Variants in ICE2 observed in about 807,000 individuals in gnomAD.
ICE2 encodes interactor of little elongation complex ELL subunit 2.
ICE2 carries 87 observed loss-of-function variants against 105.4 expected under a neutral mutation model. That is an observed-to-expected ratio of 0.83 (90% CI 0.69 to 0.99). The LOEUF (loss-of-function observed/expected upper bound fraction) is 0.99, where lower values mean the gene tolerates loss of function less well. Ranked by LOEUF, ICE2 falls within the 50% of genes least tolerant of loss-of-function variation. The pLI is 0.00. For synonymous variants in ICE2, 399 were observed against 392.0 expected, an observed-to-expected ratio of 1.02 and a Z score of -0.21; for missense variants, 1,323 against 1,146.7, an observed-to-expected ratio of 1.15 and a Z score of -2.22.
At position 60,455,394 on chromosome 15, in the gene ICE2, A is replaced by C. The variant is rs760763317; in HGVS notation, c.715T>G (p.Leu239Val). Residue 239 changes from leucine to valine, a missense_variant, in exon 7 of 16, where the codon TTG becomes GTG. Transcript: ENST00000261520. ...KTVFPSMPIK[L>V]QLSKDDIATI... ...GCTATATCGTCCTTTGACAGCTGCA[A>C]CTTTATAGGCATTGAGGGAAATACT... The C allele has an allele frequency of 6.5e-5, 105 of 1,613,938 alleles. No homozygotes were observed. The highest frequency in any genetic ancestry group is 8.6e-5 in the Non-Finnish European group (101 of 1,179,956).
chr15:60,467,789 T>C (rs1238171605), intron 4 of ICE2, among the ~76,000 whole-genome samples: 1 of 152,178 alleles, frequency 6.6e-6, no homozygotes, highest in East Asian at 1.9e-4. Context: ...ATTGAAATAA[T>C]TAAGCAATAA....
intron 12 of ICE2, among the ~76,000 whole-genome samples, chr15:60,436,804 C>A (rs2063602831): frequency 6.7e-6 from 1 of 150,076 alleles, no homozygotes; most frequent in African/African-American, 2.5e-5. Context: ...TATGTATTAT[C>A]ATAATATGTA....
At chr15:60,448,178 C>T (rs202053058) in intron 10 of ICE2, 33 bp from the exon 11 acceptor site, 4 of 1,388,584 alleles carry the variant, frequency 2.9e-6, no homozygotes, top group Middle Eastern at 1.8e-4. Context: ...TTTTAAAATA[C>T]ATTAGCTCTT....
chr15:60,450,774 G>A (rs529298005), intron 9 of ICE2, among the ~76,000 whole-genome samples: 16 of 152,320 alleles, frequency 1.1e-4, no homozygotes, highest in African/African-American at 3.8e-4. Flanking sequence ...AAGATTAAGT[G>A]AGAAATTATA....
At chr15:60,472,094 G>A (rs1024779152) in intron 3 of ICE2, among the ~76,000 whole-genome samples, 7 of 151,284 alleles carry the variant, frequency 4.6e-5, no homozygotes, top group African/African-American at 1.7e-4. Flanking sequence ...ATTTCTACAT[G>A]AACGGCTCAT....
chr15:60,443,498 T>C (rs2063762373), intron 11 of ICE2, among the ~76,000 whole-genome samples: 1 of 150,500 alleles, frequency 6.6e-6, no homozygotes, highest in Admixed American at 6.6e-5. Flanking sequence ...ATTTTTCTTA[T>C]CAACAGTAAG....
Position 60,419,740 on chromosome 15 carries a change from C to A in ICE2, c.*3894G>T, listed in dbSNP as rs1002587691. 1.3e-4 allele frequency: 19 copies of A among 150,512 alleles called. No individual in the cohort carries two copies. Among genetic ancestry groups the A allele is most frequent in the African/African-American group, 4.7e-4 (19 of 40,720 alleles). The allele number at this position is 150,512 out of a possible 1,614,324, so 9.3% of individuals were successfully genotyped here. Reference sequence around the variant, plus strand: ...CAAAAAAACAGAACAAAACAAAATACTACTATATACCTATAATGCATAGAA... The same window carrying A: ...CAAAAAAACAGAACAAAACAAAATAATACTATATACCTATAATGCATAGAA... On this transcript the variant is annotated 3_prime_UTR_variant, in exon 16 of 16. Transcript: ENST00000261520.
At chr15:60,430,551 T>C (rs1188731184) in intron 14 of ICE2, among the ~76,000 whole-genome samples, 1 of 152,240 alleles carries the variant, frequency 6.6e-6, no homozygotes, top group East Asian at 1.9e-4. Context: ...ATAAGCTTTG[T>C]ATATAGCATG....
rs561330079 is a variant in ICE2, at chr15:60,428,510, C to A, written c.2739G>T (p.Leu913=). 9 of 1,614,096 alleles carry A rather than the reference C, an allele frequency of 5.6e-6. No homozygotes were observed. The South Asian group carries it at 8.8e-5, about 16-fold the overall frequency. Residue 913 remains leucine (L), a synonymous_variant, in exon 15 of 16, where the codon CTG becomes CTT. Coordinates refer to ENST00000261520, the MANE Select transcript of ICE2 (RefSeq NM_024611.6). ...CATGATGGATATGATATGGTAATAA[C>A]AGGCTGGGATCTAATGGGACCCAGG... The part of the protein sequence containing the change: ...SVPWVPLDPS[L]LLPYHIHHGR...
At chr15:60,423,820 A>T in intron 15 of ICE2, 58 bp from the exon 16 acceptor site, 1 of 1,410,028 alleles carries the variant, frequency 7.1e-7, no homozygotes, top group Non-Finnish European at 9.4e-7. Context: ...ACCTATATAC[A>T]GTCAACTCTG....
chr15:60,428,085 A>C (rs773813345), intron 15 of ICE2, among the ~76,000 whole-genome samples: 5 of 152,166 alleles, frequency 3.3e-5, no homozygotes, highest in Non-Finnish European at 5.9e-5. Context: ...TAATGAAATG[A>C]AACCCAGTAT....
intron 3 of ICE2, among the ~76,000 whole-genome samples, chr15:60,469,164 G>A (rs2064513233): frequency 6.6e-6 from 1 of 152,156 alleles, no homozygotes; most frequent in African/African-American, 2.4e-5. Flanking sequence ...GAATGGAGCT[G>A]GAGGCCATTA....
chr15:60,427,912 T>C (rs1009320546), intron 15 of ICE2, among the ~76,000 whole-genome samples: 4 of 152,230 alleles, frequency 2.6e-5, no homozygotes, highest in Non-Finnish European at 5.9e-5. Flanking sequence ...AGTTACATAA[T>C]ACCTAGAAAG....
At chr15:60,434,592 A>C (rs2063541924) in intron 13 of ICE2, among the ~76,000 whole-genome samples, 1 of 152,032 alleles carries the variant, frequency 6.6e-6, no homozygotes, top group Non-Finnish European at 1.5e-5. Context: ...GCCATAAAAG[A>C]AATGAAATTC....
At chr15:60,450,354 T>G (rs1199784950) in intron 9 of ICE2, among the ~76,000 whole-genome samples, 1 of 152,142 alleles carries the variant, frequency 6.6e-6, no homozygotes, top group African/African-American at 2.4e-5. Context: ...CCACAACTAC[T>G]CAGGGAAAAC....
intron 15 of ICE2, among the ~76,000 whole-genome samples, chr15:60,427,237 A>G (rs927333313): frequency 3.3e-5 from 5 of 152,248 alleles, no homozygotes; most frequent in African/African-American, 1.2e-4. Context: ...AGATTAATTC[A>G]GTATAGTACA....
intron 14 of ICE2, 122 bp downstream of exon 14, chr15:60,431,809 CATA>C (rs892376605): frequency 1.1e-5 from 6 of 529,586 alleles, no homozygotes; most frequent in South Asian, 4.4e-5. Context: ...TTACATTTGA[CATA>C]ATAATTTTTG....
At chr15:60,462,508 C>G (rs28519408) in intron 5 of ICE2, among the ~76,000 whole-genome samples, 1 of 151,804 alleles carries the variant, frequency 6.6e-6, no homozygotes, top group Non-Finnish European at 1.5e-5. Context: ...AAAAAACATA[C>G]AGTACAAAAT....
chr15:60,429,285 T>A (rs1209512378), intron 14 of ICE2, among the ~76,000 whole-genome samples: 1 of 152,220 alleles, frequency 6.6e-6, no homozygotes, highest in Non-Finnish European at 1.5e-5. Flanking sequence ...CTATTAGATC[T>A]TCCACAATAA....
Sources: gnomAD v4.1 joint callset for allele counts (sites outside exome capture counted in the v4.1 genomes callset) on GRCh38, gnomAD v4.1.1 for gene constraint, MANE v1.5 for transcripts, NCBI Gene and HGNC (gene_info 2026-07-23, HGNC 2026-07-21) for gene names.